VPS13D: variants seen among roughly 807,000 people sequenced by gnomAD.
VPS13D encodes intermembrane lipid transfer protein VPS13D.
In VPS13D, 187 loss-of-function variants were observed where a neutral mutation model predicts 461.9. The observed-to-expected ratio is 0.40, with a 90% CI of 0.36 to 0.46. VPS13D has a LOEUF of 0.46. VPS13D is among the 20% of genes least tolerant of loss of function. VPS13D has a pLI of 0.60. For synonymous variants in VPS13D, 1,951 were observed against 1,986.3 expected (o/e 0.98, Z 0.47); for missense variants, 4,711 against 5,364.9 (o/e 0.88, Z 3.81).
chr1:12,427,340 C>T (rs1644936216), intron 65 of VPS13D, among the ~76,000 whole-genome samples: 2 of 150,732 alleles, frequency 1.3e-5, no homozygotes, highest in Non-Finnish European at 3.0e-5. Flanking sequence ...AATAATTTTG[C>T]TCAAGATGGC....
chr1:12,379,394 GGAA>G (rs1644242463), intron 56 of VPS13D, 91 bp from the exon 57 acceptor site: 1 of 1,154,732 alleles, frequency 8.7e-7, no homozygotes, highest in Non-Finnish European at 1.2e-6. Context: ...GGCATTAGAA[GGAA>G]GAAGAGCAAA....
At chr1:12,456,213 A>G (rs74682378) in intron 66 of VPS13D, 83 bp downstream of exon 66, 1 of 1,505,660 alleles carries the variant, frequency 6.6e-7, no homozygotes, top group South Asian at 1.3e-5. Context: ...CTATAAAAAA[A>G]GAAAGGTGGG....
At chr1:12,468,851 A>G (rs892123698) in intron 67 of VPS13D, among the ~76,000 whole-genome samples, 1 of 152,122 alleles carries the variant, frequency 6.6e-6, no homozygotes, top group African/African-American at 2.4e-5. Flanking sequence ...TGGGCAACAT[A>G]GTGAAACCCT....
chr1:12,462,911 T>G (rs1408549861), intron 67 of VPS13D, among the ~76,000 whole-genome samples: 2 of 152,154 alleles, frequency 1.3e-5, no homozygotes, highest in African/African-American at 4.8e-5. Flanking sequence ...CACTGGCCAC[T>G]CCTCATCTCA....
At chr1:12,343,336 G>A (rs1434983463) in intron 42 of VPS13D, among the ~76,000 whole-genome samples, 1 of 151,756 alleles carries the variant, frequency 6.6e-6, no homozygotes, top group Non-Finnish European at 1.5e-5. Flanking sequence ...CACCACACCT[G>A]GCTAATTTTT....
chr1:12,458,011 G>A (rs190308971), intron 66 of VPS13D, among the ~76,000 whole-genome samples: 3 of 152,292 alleles, frequency 2.0e-5, no homozygotes, highest in East Asian at 3.9e-4. Flanking sequence ...TCCTTGTGAC[G>A]TGGAGAGAGC....
intron 60 of VPS13D, among the ~76,000 whole-genome samples, chr1:12,393,410 A>G (rs548854755): frequency 7.9e-5 from 12 of 152,376 alleles, no homozygotes; most frequent in Admixed American, 3.3e-4. Context: ...GTGGACAGGA[A>G]TGGAGAAAAA....
chr1:12,482,413 A>G (rs1028380200), intron 67 of VPS13D, among the ~76,000 whole-genome samples: 9 of 152,232 alleles, frequency 5.9e-5, no homozygotes, highest in African/African-American at 1.4e-4. Flanking sequence ...TTTTAAATGC[A>G]TATTAGACAT....
intron 40 of VPS13D, among the ~76,000 whole-genome samples, chr1:12,340,582 T>C (rs765099971): frequency 1.2e-4 from 18 of 152,214 alleles, no homozygotes; most frequent in Non-Finnish European, 1.9e-4. Flanking sequence ...CAGTTTGTCT[T>C]CTCGATTTTG....
rs998913442 is a variant in VPS13D, at chr1:12,473,170, T to G, written c.12662+12774T>G. Among the ~76,000 whole-genome samples, 1 of 151,942 alleles carries G rather than the reference T, an allele frequency of 6.6e-6. No homozygotes were observed. Among genetic ancestry groups the G allele is most frequent in the African/African-American group, 2.4e-5 (1 of 41,350 alleles). The stretch of plus-strand genomic sequence containing the variant: ...TACTTAGATCCTGGGTGCTGATGGG[T>G]GTTTTGTAGTTTCCAAGGGAAGTTG... On this transcript the variant is annotated intron_variant, in intron 67 of 69. Coordinates refer to ENST00000620676, the MANE Select transcript of VPS13D (RefSeq NM_015378.4). This position sits in a 1 kb window ranked among gnomAD's most constrained non-coding sequence, Gnocchi z 4.2.
In VPS13D at chr1:12,327,746, G is replaced by A. The variant is rs746114975; in HGVS notation, c.8089G>A (p.Ala2697Thr). 30 of 1,613,896 alleles carry A rather than the reference G, an allele frequency of 1.9e-5. 1 individual carries two copies. Among genetic ancestry groups the A allele is most frequent in the South Asian group, 4.4e-5 (4 of 91,052 alleles). Residue 2697 changes from alanine (A) to threonine (T), a missense_variant, in exon 36 of 70, where the codon GCA becomes ACA. Around this residue, in one of 3 missense-constraint regions of VPS13D, gnomAD observed 4,411 missense variants for 4,937.8 expected, o/e 0.89. Coordinates refer to ENST00000620676, the MANE Select transcript of VPS13D (RefSeq NM_015378.4). ...CAGCCGAGATAGCCCAGGGGCTGTG[G>A]CAGCGCCATTGATCTCTGGCGTGGA... is the stretch of plus-strand genomic sequence containing the variant. Reference protein sequence around the residue: ...STSRDSPGAVAAPLISGVEIK... With the variant: ...STSRDSPGAVTAPLISGVEIK...
intron 45 of VPS13D, 63 bp from the exon 46 acceptor site, chr1:12,349,101 G>A (rs1266187327): frequency 6.2e-7 from 1 of 1,611,374 alleles, no homozygotes; most frequent in Non-Finnish European, 8.5e-7. Flanking sequence ...TTTGTCCTGA[G>A]ATGGTCAATC....
At chr1:12,301,600 C>T (rs1318138948) in intron 25 of VPS13D, among the ~76,000 whole-genome samples, 1 of 152,148 alleles carries the variant, frequency 6.6e-6, no homozygotes, top group Non-Finnish European at 1.5e-5. Context: ...CTCTCTGGAC[C>T]CCATTGTTTA....
intron 37 of VPS13D, among the ~76,000 whole-genome samples, chr1:12,332,017 C>G (rs1471171081): frequency 1.3e-5 from 2 of 152,138 alleles, no homozygotes; most frequent in Non-Finnish European, 2.9e-5. Flanking sequence ...CAGTGATGTA[C>G]CATTTTTCAC....
intron 19 of VPS13D, among the ~76,000 whole-genome samples, chr1:12,278,746 C>G (rs1047492162): frequency 6.6e-6 from 1 of 152,160 alleles, no homozygotes; most frequent in African/African-American, 2.4e-5. Context: ...CCCAAGATGC[C>G]TCAAGGGGTT....
intron 68 of VPS13D, among the ~76,000 whole-genome samples, chr1:12,501,155 T>G (rs1253132910): frequency 6.6e-6 from 1 of 152,146 alleles, no homozygotes; most frequent in Non-Finnish European, 1.5e-5. Context: ...AACATGCTGT[T>G]TACGATTTTT....
At chr1:12,258,257 T>C (rs1640982716) in intron 10 of VPS13D, among the ~76,000 whole-genome samples, 154 bp downstream of exon 10, 1 of 152,186 alleles carries the variant, frequency 6.6e-6, no homozygotes, top group African/African-American at 2.4e-5. Context: ...GAGTGAGAAC[T>C]AAGCCAGGAG....
intron 60 of VPS13D, among the ~76,000 whole-genome samples, chr1:12,388,122 A>G (rs936158788): frequency 1.3e-5 from 2 of 152,248 alleles, no homozygotes; most frequent in African/African-American, 2.4e-5. Flanking sequence ...ACAATAGCAT[A>G]AAGGCTGAAG....
chr1:12,240,656 A>C (rs970972510), intron 2 of VPS13D, among the ~76,000 whole-genome samples: 5 of 151,484 alleles, frequency 3.3e-5, no homozygotes, highest in African/African-American at 7.3e-5. Context: ...TCAAAAGAAG[A>C]AACTATTTAA....
Sources: gnomAD v4.1 joint callset for allele counts (sites outside exome capture counted in the v4.1 genomes callset) on GRCh38, gnomAD v4.1.1 for gene constraint, gnomAD v4.1.1 regional missense constraint, Gnocchi (gnomAD v3.1) non-coding constraint, MANE v1.5 for transcripts, NCBI Gene and HGNC (gene_info 2026-07-23, HGNC 2026-07-21) for gene names.